The following NUDT21 variants were observed in gnomAD, a reference collection of about 807,000 sequenced individuals.
NUDT21 encodes nudix hydrolase 21.
In NUDT21, 5 loss-of-function variants were observed where a neutral mutation model predicts 29.8. The observed-to-expected ratio is 0.17, with a 90% confidence interval of 0.09 to 0.35. The LOEUF is 0.35. Among genes scored for constraint, NUDT21 ranks in the 10% least tolerant of loss-of-function variants. NUDT21 has a pLI of 1.00. For missense variants in NUDT21, 76 were observed against 276.0 expected, an observed-to-expected ratio of 0.28 and a Z score of 5.13; for synonymous variants, 113 against 98.5, an observed-to-expected ratio of 1.15 and a Z score of -0.87.
intron 3 of NUDT21, among the ~76,000 whole-genome samples, chr16:56,441,574 C>G (rs916984881): frequency 6.6e-6 from 1 of 152,208 alleles, no homozygotes; most frequent in African/African-American, 2.4e-5. Flanking sequence ...AAGCCTATAA[C>G]CCTCTACTAT....
In NUDT21 at chr16:56,451,257, T is replaced by C. The variant is rs1304910463; in HGVS notation, c.-55A>G. ...AGAAAGTGGCAGGCAGGGTAGACTTTCCCCGTGCGGGAAGCGGTTATCTGC... is the reference window on the plus strand; with the variant it reads ...AGAAAGTGGCAGGCAGGGTAGACTTCCCCCGTGCGGGAAGCGGTTATCTGC... On this transcript the variant is annotated 5_prime_UTR_variant, in exon 1 of 7. Transcript: ENST00000300291. The C allele has an allele frequency of 2.9e-6, 4 of 1,365,562 alleles. No individual in the cohort carries two copies. Among genetic ancestry groups the C allele is most frequent in the African/African-American group, 1.4e-5 (1 of 69,376 alleles). The allele number at this position is 1,365,562 out of a possible 1,614,324, so 84.6% of individuals were successfully genotyped here. A position where few individuals can be genotyped will look rare whatever the true frequency, so the allele number is the denominator to read the frequency against.
intron 1 of NUDT21, among the ~76,000 whole-genome samples, chr16:56,449,788 T>A (rs1323306840): frequency 6.6e-6 from 1 of 152,270 alleles, no homozygotes; most frequent in Admixed American, 6.5e-5. Context: ...TCTTAATTTT[T>A]AAAAAAATTT....
In NUDT21 at chr16:56,443,823, C is replaced by A. The variant is rs991991760; in HGVS notation, c.381+2803G>T. 5.3e-5 allele frequency among the ~76,000 whole-genome samples: 8 copies of A among 152,204 alleles called. No homozygotes were observed. The East Asian group carries it at 1.5e-3, about 29-fold the overall frequency. On this transcript the variant is annotated intron_variant, in intron 3 of 6. Coordinates refer to ENST00000300291, the MANE Select transcript of NUDT21 (RefSeq NM_007006.3). ...CCTCACCAGCTGCCCAATCTTGCCA[C>A]CAGAACTGGTGAGCCAAATAAATCT...
chr16:56,439,851 G>A, intron 3 of NUDT21, 105 bp from the exon 4 acceptor site: 1 of 837,684 alleles, frequency 1.2e-6, no homozygotes, highest in Non-Finnish European at 2.1e-6. Context: ...TGAAACATAG[G>A]GATAATATGC....
intron 4 of NUDT21, among the ~76,000 whole-genome samples, chr16:56,436,914 G>GGT (rs1433251900): frequency 2.6e-5 from 4 of 152,142 alleles, no homozygotes; most frequent in African/African-American, 9.7e-5. Flanking sequence ...CTAGGACAGT[G>GGT]GTAGGGGAGA....
In NUDT21 at chr16:56,451,161, G is replaced by T; in HGVS notation, c.42C>A (p.Pro14=). ...VPPNRSQTGW[P]RGVTQFGNKY... Reference sequence around the variant, plus strand: ...TGTTGCCGAACTGAGTGACCCCCCGGGGCCAGCCGGTCTGCGAGCGATTGG... The same window carrying T: ...TGTTGCCGAACTGAGTGACCCCCCGTGGCCAGCCGGTCTGCGAGCGATTGG... The change falls in exon 1 of 7, where the codon CCC becomes CCA. Residue 14 remains proline (P), a synonymous_variant. Coordinates refer to ENST00000300291, the MANE Select transcript of NUDT21 (RefSeq NM_007006.3). 1 of 1,612,998 alleles carries T rather than the reference G, an allele frequency of 6.2e-7. No homozygotes were observed. The highest frequency in any genetic ancestry group is 8.5e-7 in the Non-Finnish European group (1 of 1,179,494).
At position 56,434,350 on chromosome 16, in the gene NUDT21, G is replaced by T; in HGVS notation, c.643C>A (p.Leu215Ile). 1 of 1,609,770 alleles carries T rather than the reference G, an allele frequency of 6.2e-7. No homozygotes were observed. The highest frequency in any genetic ancestry group is 8.5e-7 in the Non-Finnish European group (1 of 1,176,154). The change falls in exon 6 of 7, where the codon CTC becomes ATC. Residue 215 changes from leucine to isoleucine, a missense_variant. Coordinates refer to ENST00000300291, the MANE Select transcript of NUDT21 (RefSeq NM_007006.3). ...APGYGPIISS[L>I]PQLLSRFNFI... ...CTGTACCTGCTCAACAGCTGAGGGAGACTAGAAATGATGGGTCCATATCCT... is the reference window on the plus strand; with the variant it reads ...CTGTACCTGCTCAACAGCTGAGGGATACTAGAAATGATGGGTCCATATCCT...
intron 3 of NUDT21, among the ~76,000 whole-genome samples, chr16:56,445,106 C>T (rs1252890450): frequency 3.9e-5 from 6 of 152,132 alleles, no homozygotes; most frequent in Non-Finnish European, 7.3e-5. Flanking sequence ...ATCGCTTAAA[C>T]CCGGGAGGCG....
At position 56,432,805 on chromosome 16, in the gene NUDT21, T is replaced by C. The variant is rs1378575481; in HGVS notation, c.663-72A>G. 6.1e-6 allele frequency: 7 copies of C among 1,152,106 alleles called. No individual in the cohort carries two copies. The Middle Eastern group carries it at 8.4e-4, about 138-fold the overall frequency. The allele number at this position is 1,152,106 out of a possible 1,614,324, so 71.4% of individuals were successfully genotyped here. On this transcript the variant is annotated intron_variant, in intron 6 of 6. Coordinates refer to ENST00000300291, the MANE Select transcript of NUDT21 (RefSeq NM_007006.3). ...ACTTTCCATATTAGATAAATAAATT[T>C]ATCTGGATGTTTCTGCCCTCCCTTA...
At chr16:56,437,826 C>G (rs764210602) in intron 4 of NUDT21, among the ~76,000 whole-genome samples, 5 of 152,126 alleles carry the variant, frequency 3.3e-5, no homozygotes, top group Non-Finnish European at 7.3e-5. Flanking sequence ...AAAGTCAAGT[C>G]TTTAGAGGAT....
At chr16:56,451,049 C>T (rs772717066) in intron 1 of NUDT21, 38 bp downstream of exon 1, 3 of 1,573,638 alleles carry the variant, frequency 1.9e-6, no homozygotes, top group Non-Finnish European at 1.7e-6. Context: ...TAGGAGCTTT[C>T]ACGAGAGAAA....
chr16:56,449,097 T>C (rs1366510667), intron 1 of NUDT21: 1 of 152,262 alleles, frequency 6.6e-6, no homozygotes, highest in Non-Finnish European at 1.5e-5. Context: ...CAGCAGCAGA[T>C]ATGCTACATA....
intron 6 of NUDT21, among the ~76,000 whole-genome samples, chr16:56,433,726 C>T (rs1388472975): frequency 6.6e-6 from 1 of 152,062 alleles, no homozygotes; most frequent in African/African-American, 2.4e-5. Context: ...CTCACTCTGT[C>T]GCCCAGGCTG....
intron 1 of NUDT21, among the ~76,000 whole-genome samples, chr16:56,448,928 G>A (rs748719418): frequency 6.6e-5 from 10 of 152,038 alleles, no homozygotes; most frequent in Non-Finnish European, 1.3e-4. Flanking sequence ...AAAAAATCAA[G>A]GTTGCCAAAA....
Position 56,439,295 on chromosome 16 carries a change from C to T in NUDT21, c.471+362G>A, listed in dbSNP as rs556418486. 48 of 171,192 alleles carry T rather than the reference C, an allele frequency of 2.8e-4. No individual in the cohort carries two copies. The South Asian group carries it at 6.3e-3, about 22-fold the overall frequency. The allele number at this position is 171,192 out of a possible 1,614,324, so 10.6% of individuals were successfully genotyped here. On this transcript the variant is annotated intron_variant, in intron 4 of 6. Transcript: ENST00000300291. Reference sequence around the variant, plus strand: ...CAAGCAATTCTCCTGCCTCAGCCTCCGGAGTAGCTGGGATTACAGGCTTGT... The same window carrying T: ...CAAGCAATTCTCCTGCCTCAGCCTCTGGAGTAGCTGGGATTACAGGCTTGT...
intron 1 of NUDT21, among the ~76,000 whole-genome samples, chr16:56,448,553 AC>A: frequency 6.6e-6 from 1 of 152,068 alleles, no homozygotes; most frequent in Middle Eastern, 3.4e-3. Context: ...TGTCCTCTAA[AC>A]CTATTTACTA....
intron 3 of NUDT21, among the ~76,000 whole-genome samples, chr16:56,445,157 C>G (rs1423293635): frequency 3.3e-5 from 5 of 151,968 alleles, no homozygotes; most frequent in African/African-American, 4.8e-5. Context: ...GCACTCCAGC[C>G]TGGGTGACAA....
intron 3 of NUDT21, 79 bp from the exon 4 acceptor site, chr16:56,439,825 T>C: frequency 9.1e-7 from 1 of 1,092,942 alleles, no homozygotes; most frequent in Non-Finnish European, 1.4e-6. Context: ...AGAAAATTCT[T>C]AGCAGTGCTC....
chr16:56,446,170 A>C (rs777081491), intron 3 of NUDT21, among the ~76,000 whole-genome samples: 2 of 152,264 alleles, frequency 1.3e-5, no homozygotes, highest in African/African-American at 4.8e-5. Flanking sequence ...AGTCTAAAAA[A>C]TATGTGAAAA....
Sources: allele counts gnomAD v4.1 joint callset (sites outside exome capture counted in the v4.1 genomes callset), GRCh38; gene constraint gnomAD v4.1.1; transcripts MANE v1.5; gene names NCBI Gene and HGNC (gene_info 2026-07-23, HGNC 2026-07-21).